Variants in TIMM23B observed in about 807,000 individuals in gnomAD.
The protein encoded by TIMM23B is mitochondrial import inner membrane translocase subunit Tim23B.
A neutral mutation model predicts 27.3 loss-of-function variants in TIMM23B; 27 were observed. The ratio of observed to expected loss-of-function variants is 0.99; its 90% confidence interval spans 0.73 to 1.36. TIMM23B has a LOEUF of 1.36. Among genes scored for constraint, TIMM23B ranks in the 40% most tolerant of loss-of-function variants. The pLI is 0.00. For synonymous variants in TIMM23B, 73 were observed against 92.4 expected (o/e 0.79, Z 1.21); for missense variants, 205 against 244.2 (o/e 0.84, Z 1.07).
chr10:49,962,620 C>T (rs1215880500), intron 6 of TIMM23B, among the ~76,000 whole-genome samples: 3 of 152,154 alleles, frequency 2.0e-5, no homozygotes, highest in African/African-American at 7.2e-5. Context: ...GGCCTTTATT[C>T]TTGCTGTTAC....
intron 6 of TIMM23B, among the ~76,000 whole-genome samples, chr10:49,970,945 G>A (rs1840415697): frequency 6.6e-6 from 1 of 152,122 alleles, no homozygotes; most frequent in Non-Finnish European, 1.5e-5. Flanking sequence ...CTGTGTGGAG[G>A]GAAGTAGACA....
chr10:49,947,205 G>T (rs1288302601), intron 2 of TIMM23B, among the ~76,000 whole-genome samples: 1 of 152,216 alleles, frequency 6.6e-6, no homozygotes, highest in Non-Finnish European at 1.5e-5. Context: ...TGTGACTTTG[G>T]ATTAGACAGT....
At position 49,942,074 on chromosome 10, in the gene TIMM23B, T is replaced by G. The variant is rs1349152067; in HGVS notation, c.-121T>G. On this transcript the variant is annotated 5_prime_UTR_variant, in exon 1 of 7. It removes an upstream start codon present in the reference 5' UTR. Coordinates refer to ENST00000651259, the MANE Select transcript of TIMM23B (RefSeq NM_001290117.2). ...GCTTAACGGGAACCGGCGCCCGGAA[T>G]GTCAGCGTGTGAAGTAGGCGCTGGC... The G allele has an allele frequency of 5.0e-5, 65 of 1,294,154 alleles. No individual in the cohort carries two copies. Among genetic ancestry groups the G allele is most frequent in the South Asian group, 1.2e-4 (8 of 66,334 alleles). 80.2% of individuals were successfully genotyped at this position (1,294,154 alleles called of 1,614,324 possible). A position where few individuals can be genotyped will look rare whatever the true frequency, so the allele number is the denominator to read the frequency against.
chr10:49,957,263 T>TC (rs1839756431), intron 5 of TIMM23B, among the ~76,000 whole-genome samples: 2 of 149,316 alleles, frequency 1.3e-5, no homozygotes, highest in African/African-American at 4.9e-5. Context: ...AGATTTTTTT[T>TC]TTTTTTTTTT....
intron 6 of TIMM23B, among the ~76,000 whole-genome samples, chr10:49,968,266 C>T (rs553327687): frequency 1.1e-3 from 172 of 151,986 alleles, no homozygotes; most frequent in African/African-American, 3.8e-3. Context: ...TGAGCTCTTA[C>T]GGATAAAGTT....
chr10:49,945,504 C>A (rs1349787796), intron 2 of TIMM23B, among the ~76,000 whole-genome samples: 8 of 152,144 alleles, frequency 5.3e-5, no homozygotes, highest in Non-Finnish European at 1.2e-4. Flanking sequence ...CCTCAGCCTC[C>A]CGAGTAGCTG....
intron 6 of TIMM23B, among the ~76,000 whole-genome samples, chr10:49,972,121 A>G (rs1840477335): frequency 6.6e-6 from 1 of 152,226 alleles, no homozygotes; most frequent in Non-Finnish European, 1.5e-5. Flanking sequence ...ATTTTACACT[A>G]AATAATAGTG....
At chr10:49,942,434 G>A (rs1157777464) in intron 1 of TIMM23B, 134 bp downstream of exon 1, 11 of 1,490,428 alleles carry the variant, frequency 7.4e-6, no homozygotes, top group Admixed American at 4.4e-5. Flanking sequence ...CAGTGGTGGG[G>A]TTAGTGTATC....
At chr10:49,949,407 A>AT (rs1260183768) in intron 2 of TIMM23B, among the ~76,000 whole-genome samples, 4 of 151,894 alleles carry the variant, frequency 2.6e-5, no homozygotes, top group South Asian at 2.1e-4. Context: ...GTGTTCCTTG[A>AT]TTTTTTTACT....
At chr10:49,945,165 G>A (rs1839316572) in intron 2 of TIMM23B, 75 bp downstream of exon 2, 1 of 1,472,570 alleles carries the variant, frequency 6.8e-7, no homozygotes, top group Non-Finnish European at 9.5e-7. Context: ...ATGCTGACTT[G>A]AACTATGACA....
chr10:49,964,464 G>A (rs1589045306), intron 6 of TIMM23B, among the ~76,000 whole-genome samples: 1 of 144,008 alleles, frequency 6.9e-6, no homozygotes, highest in Admixed American at 7.0e-5. Context: ...CAAATGAAAT[G>A]ATGAAATGAA....
chr10:49,969,005 C>T (rs1386976125), intron 6 of TIMM23B, among the ~76,000 whole-genome samples: 2 of 152,220 alleles, frequency 1.3e-5, no homozygotes, highest in African/African-American at 4.8e-5. Flanking sequence ...GTGCTTATTG[C>T]TGAAGGTATA....
chr10:49,953,535 G>A lies in TIMM23B; in HGVS notation c.344+1002G>A, dbSNP rs1458204694. On this transcript the variant is annotated intron_variant, in intron 4 of 6. Transcript: ENST00000651259. ...TAATTTTTTAATTTTTTGTAGAGAC[G>A]GGGTCTCACTGTATTGCTCAGGCTG... 3.3e-5 allele frequency among the ~76,000 whole-genome samples: 5 copies of A among 152,086 alleles called. No individual in the cohort carries two copies. In the East Asian group the frequency reaches 5.8e-4, roughly 18 times the overall value.
At chr10:49,964,323 TAAATG>T (rs1270863170) in intron 6 of TIMM23B, among the ~76,000 whole-genome samples, 11 of 145,814 alleles carry the variant, frequency 7.5e-5, no homozygotes, top group Non-Finnish European at 1.5e-4. Context: ...TGAAATGAAA[TAAATG>T]AAATGAGAAA....
At chr10:49,946,361 G>A (rs1322413600) in intron 2 of TIMM23B, among the ~76,000 whole-genome samples, 1 of 151,966 alleles carries the variant, frequency 6.6e-6, no homozygotes, top group Non-Finnish European at 1.5e-5. Context: ...GTCTGGCCAG[G>A]GCAATTAGTC....
intron 6 of TIMM23B, among the ~76,000 whole-genome samples, chr10:49,963,757 G>A (rs1840006881): frequency 6.6e-6 from 1 of 152,202 alleles, no homozygotes; most frequent in Non-Finnish European, 1.5e-5. Context: ...CCTGAGGTCA[G>A]GAGTTCAAGA....
rs1280343452 is a variant in TIMM23B at position 49,952,153 on chromosome 10, G to A, written c.193G>A (p.Gly65Arg). The change falls in exon 3 of 7, where the codon GGA becomes AGA. Residue 65 changes from glycine to arginine, a missense_variant. Transcript: ENST00000651259. ...TACAGATGAGTTCATTTTACCTACC[G>A]GAGCTAATAAAACCTGGGGCAGATT... ...QDTDEFILPTGANKTWGRFEL... is the reference protein window; with the variant it reads ...QDTDEFILPTRANKTWGRFEL... 7.5e-6 allele frequency: 12 copies of A among 1,603,326 alleles called. No homozygotes were observed. Among genetic ancestry groups the A allele is most frequent in the Middle Eastern group, 1.6e-4 (1 of 6,066 alleles).
intron 2 of TIMM23B, among the ~76,000 whole-genome samples, chr10:49,946,696 T>A (rs1483135324): frequency 0.19 from 28,088 of 148,720 alleles, 3,181 homozygotes; most frequent in Non-Finnish European, 0.27. Context: ...AGACACATGC[T>A]ATGATCCTGA....
intron 1 of TIMM23B, among the ~76,000 whole-genome samples, chr10:49,943,759 T>C (rs1243423379): frequency 1.4e-5 from 2 of 139,170 alleles, no homozygotes; most frequent in Admixed American, 7.2e-5. Context: ...TTTTTTTTTT[T>C]TGAAAAGAGG....
Sources: allele counts gnomAD v4.1 joint callset (sites outside exome capture counted in the v4.1 genomes callset), GRCh38; gene constraint gnomAD v4.1.1; transcripts MANE v1.5; gene names NCBI Gene and HGNC (gene_info 2026-07-23, HGNC 2026-07-21).